UBR2: variants seen among roughly 807,000 people sequenced by gnomAD.
UBR2 encodes E3 ubiquitin-protein ligase UBR2.
In UBR2, 92 loss-of-function variants were observed where a neutral mutation model predicts 247.9. The observed-to-expected ratio is 0.37, with a 90% CI of 0.31 to 0.44. The LOEUF (loss-of-function observed/expected upper bound fraction) is 0.44, where lower values mean the gene tolerates loss of function less well. Ranked by LOEUF, UBR2 falls within the 20% of genes least tolerant of loss-of-function variation. The pLI, the probability that UBR2 is intolerant of heterozygous loss-of-function variation, is 1.00. For synonymous variants in UBR2, 672 were observed against 693.5 expected, an observed-to-expected ratio of 0.97 and a Z score of 0.49; for missense variants, 1,613 against 2,112.6, an observed-to-expected ratio of 0.76 and a Z score of 4.64.
chr6:42,672,596 T>C (rs1798510756), intron 36 of UBR2, among the ~76,000 whole-genome samples: 1 of 152,092 alleles, frequency 6.6e-6, no homozygotes, highest in Admixed American at 6.5e-5. Context: ...TTCCCACCCC[T>C]GTGGTCCAGA....
chr6:42,639,945 G>A (rs1391079399), intron 15 of UBR2, among the ~76,000 whole-genome samples: 8 of 152,160 alleles, frequency 5.3e-5, no homozygotes, highest in East Asian at 3.9e-4. Flanking sequence ...GGAGAATGGC[G>A]TGAACCCGGG....
rs754642557 is a variant in UBR2, at chr6:42,641,701, T to C, written c.2031+9T>C. 15 of 1,600,886 alleles carry C rather than the reference T, an allele frequency of 9.4e-6. No homozygotes were observed. In the South Asian group the frequency reaches 1.7e-4, roughly 18 times the overall value. ...TCTCTCTAGTAAACCAGGTAAGTGT[T>C]TTCTAATTCTATGAAGAGTTTTCAT... On this transcript the variant is annotated intron_variant, in intron 17 of 46. Transcript: ENST00000372901.
chr6:42,619,996 A>G, intron 11 of UBR2: 1 of 948,028 alleles, frequency 1.1e-6, no homozygotes, highest in Non-Finnish European at 1.3e-6. Flanking sequence ...AGGCTATGGT[A>G]GTATTTAGGA....
chr6:42,670,990 A>C (rs1183051942), intron 36 of UBR2, among the ~76,000 whole-genome samples: 1 of 152,198 alleles, frequency 6.6e-6, no homozygotes, highest in African/African-American at 2.4e-5. Flanking sequence ...GTTTAAGACC[A>C]GCCTGACCAA....
At chr6:42,643,645 AT>A (rs1950783360) in intron 18 of UBR2, among the ~76,000 whole-genome samples, 2 of 152,202 alleles carry the variant, frequency 1.3e-5, no homozygotes, top group South Asian at 2.1e-4. Context: ...TTTCAAAAAA[AT>A]ATTAGTTCAG....
chr6:42,581,729 G>A (rs908043385), intron 2 of UBR2, among the ~76,000 whole-genome samples: 3 of 152,178 alleles, frequency 2.0e-5, no homozygotes, highest in Non-Finnish European at 2.9e-5. Flanking sequence ...ATTATTAGAA[G>A]TTGGTTCCAT....
At chr6:42,651,971 G>T in intron 23 of UBR2, 52 bp from the exon 24 acceptor site, 1 of 1,510,164 alleles carries the variant, frequency 6.6e-7, no homozygotes, top group Non-Finnish European at 9.0e-7. Context: ...TTAACCAGGT[G>T]TGGTGGTGGG....
At chr6:42,643,647 A>T (rs1427710249) in intron 18 of UBR2, among the ~76,000 whole-genome samples, 1 of 152,194 alleles carries the variant, frequency 6.6e-6, no homozygotes, top group East Asian at 1.9e-4. Flanking sequence ...TCAAAAAAAT[A>T]TTAGTTCAGA....
intron 5 of UBR2, 104 bp downstream of exon 5, chr6:42,603,822 A>G: frequency 8.4e-7 from 1 of 1,186,526 alleles, no homozygotes; most frequent in Admixed American, 2.8e-5. Flanking sequence ...AGTTTTTAGC[A>G]GAACAATAAC....
intron 13 of UBR2, 62 bp downstream of exon 13, chr6:42,632,966 T>A: frequency 8.7e-7 from 1 of 1,147,716 alleles, no homozygotes; most frequent in Non-Finnish European, 1.2e-6. Context: ...CTCTTTTTTT[T>A]TTTTTTTTTA....
At chr6:42,645,617 A>T (rs1441584990) in intron 21 of UBR2, 27 bp downstream of exon 21, 6 of 1,605,952 alleles carry the variant, frequency 3.7e-6, no homozygotes, top group Non-Finnish European at 5.1e-6. Flanking sequence ...CTAAAAAGAA[A>T]ACCATAGAAA....
chr6:42,665,286 C>G, intron 32 of UBR2, 123 bp from the exon 33 acceptor site: 1 of 645,194 alleles, frequency 1.5e-6, no homozygotes. Flanking sequence ...ACAAATTTTC[C>G]CTTATCCTTT....
chr6:42,639,126 C>T (rs1045608064), intron 15 of UBR2, among the ~76,000 whole-genome samples: 1 of 152,142 alleles, frequency 6.6e-6, no homozygotes, highest in Non-Finnish European at 1.5e-5. Flanking sequence ...GCATTTACAA[C>T]ATTTACAAAT....
At chr6:42,674,511 C>T (rs1470606232) in intron 38 of UBR2, among the ~76,000 whole-genome samples, 1 of 152,096 alleles carries the variant, frequency 6.6e-6, no homozygotes, top group African/African-American at 2.4e-5. Flanking sequence ...TGCCTGTAAT[C>T]CCAGCACTTT....
intron 13 of UBR2, among the ~76,000 whole-genome samples, chr6:42,634,501 C>T (rs1197001677): frequency 6.6e-6 from 1 of 152,230 alleles, no homozygotes; most frequent in South Asian, 2.1e-4. Context: ...ATCGCCCAGG[C>T]GGGAGTGCAG....
At chr6:42,592,309 G>T (rs1792719989) in intron 3 of UBR2, 80 bp downstream of exon 3, 2 of 1,136,932 alleles carry the variant, frequency 1.8e-6, no homozygotes, top group Admixed American at 5.9e-5. Context: ...AAAATGCAAA[G>T]ATTTAACACT....
In UBR2 at chr6:42,564,140, C is replaced by T; in HGVS notation, c.-180C>T. The T allele has an allele frequency of 1.5e-6, 1 of 657,794 alleles. No individual in the cohort carries two copies. The highest frequency in any genetic ancestry group is 3.3e-5 in the Admixed American group (1 of 30,312). 40.7% of individuals were successfully genotyped at this position (657,794 alleles called of 1,614,324 possible). ...TAAGCTTGGGAGGGAGCGCAGGAGG[C>T]CGCTGTCCTTCCTTTCCGGTTCACG... On this transcript the variant is annotated 5_prime_UTR_variant, in exon 1 of 47. Transcript: ENST00000372901.
intron 17 of UBR2, 86 bp from the exon 18 acceptor site, chr6:42,642,330 G>A (rs1005065599): frequency 1.1e-6 from 1 of 880,462 alleles, no homozygotes; most frequent in African/African-American, 1.7e-5. Flanking sequence ...ACACATTCTT[G>A]TACAAACTTG....
chr6:42,633,796 T>C (rs1795914649), intron 13 of UBR2, among the ~76,000 whole-genome samples: 1 of 152,144 alleles, frequency 6.6e-6, no homozygotes, highest in Non-Finnish European at 1.5e-5. Context: ...AATGGCACAA[T>C]CCTGGCTCAC....
Sources: allele counts gnomAD v4.1 joint callset (sites outside exome capture counted in the v4.1 genomes callset), GRCh38; gene constraint gnomAD v4.1.1; transcripts MANE v1.5; gene names NCBI Gene and HGNC (gene_info 2026-07-23, HGNC 2026-07-21).